The following TIMM23 variants were observed in gnomAD, a reference collection of about 807,000 sequenced individuals.
TIMM23 encodes mitochondrial import inner membrane translocase subunit Tim23.
In TIMM23, 19 loss-of-function variants were observed where a neutral mutation model predicts 30.7. The observed-to-expected ratio is 0.62, with a 90% CI of 0.43 to 0.91. The LOEUF is 0.91. Ranked by LOEUF, TIMM23 falls within the 40% of genes least tolerant of loss-of-function variation. TIMM23 has a pLI of 0.00. For missense variants in TIMM23, 202 were observed against 269.2 expected, an observed-to-expected ratio of 0.75 and a Z score of 1.75; for synonymous variants, 78 against 98.5, an observed-to-expected ratio of 0.79 and a Z score of 1.23.
intron 6 of TIMM23, among the ~76,000 whole-genome samples, chr10:46,000,399 C>T (rs111810618): frequency 1.3e-5 from 2 of 152,168 alleles, no homozygotes; most frequent in South Asian, 4.1e-4. Context: ...CCTGACTTCC[C>T]GCAACAGATG....
At chr10:45,976,589 C>A (rs1837679933) in intron 2 of TIMM23, among the ~76,000 whole-genome samples, 1 of 152,158 alleles carries the variant, frequency 6.6e-6, no homozygotes, top group Admixed American at 6.5e-5. Context: ...CCAGCCTGGG[C>A]AACAGAGTAA....
intron 4 of TIMM23, chr10:45,984,695 T>C: frequency 2.9e-6 from 1 of 342,782 alleles, no homozygotes; most frequent in Non-Finnish European, 5.8e-6. Flanking sequence ...TTCATCCAGT[T>C]GCGTCCATCA....
chr10:45,999,166 G>T (rs1351430010), intron 6 of TIMM23, among the ~76,000 whole-genome samples: 3 of 151,370 alleles, frequency 2.0e-5, no homozygotes, highest in Non-Finnish European at 4.4e-5. Flanking sequence ...TTTGAGACCA[G>T]GTCTGGCTTT....
At chr10:45,984,303 A>G (rs1210316279) in intron 4 of TIMM23, among the ~76,000 whole-genome samples, 7 of 152,166 alleles carry the variant, frequency 4.6e-5, no homozygotes, top group South Asian at 2.1e-4. Flanking sequence ...TTTTGAGACA[A>G]AAACCCCAAT....
rs1346830761 is a variant in TIMM23 at position 45,990,203 on chromosome 10, A to T, written c.514+1356A>T. Among the ~76,000 whole-genome samples, 17 of 148,784 alleles carry T rather than the reference A, an allele frequency of 1.1e-4. 1 individual carries two copies. Among genetic ancestry groups the T allele is most frequent in the African/African-American group, 4.0e-4 (16 of 40,190 alleles). On this transcript the variant is annotated intron_variant, in intron 6 of 6. Coordinates refer to ENST00000580018, the MANE Select transcript of TIMM23 (RefSeq NM_006327.4). ...AGTGGCATGATCTCAGCTCACTGCA[A>T]CCTCCACCTCCTGGGATCAAGCAGT...
Position 45,979,606 on chromosome 10 carries a change from CTTTTTTTTTT to C in TIMM23, c.166-2899_166-2890del, listed in dbSNP as rs1171770886. Among the ~76,000 whole-genome samples the C allele has an allele frequency of 6.2e-4, 34 of 54,412 alleles. No individual in the cohort carries two copies. In the Admixed American group the frequency reaches 9.3e-3, roughly 15 times the overall value. The allele number at this position is 54,412 out of a possible 152,430, so 35.7% of individuals were successfully genotyped here. A position where few individuals can be genotyped will look rare whatever the true frequency, so the allele number is the denominator to read the frequency against. On this transcript the variant is annotated intron_variant, in intron 2 of 6. Coordinates refer to ENST00000580018, the MANE Select transcript of TIMM23 (RefSeq NM_006327.4). ...ACAGGCATGAGCCACCATGCCTGGC[CTTTTTTTTTT>C]TTTTTTTTTTTTTTTTTAAGCATTA... is the stretch of plus-strand genomic sequence containing the variant.
intron 4 of TIMM23, among the ~76,000 whole-genome samples, chr10:45,984,361 T>C (rs1837940007): frequency 6.6e-6 from 1 of 152,136 alleles, no homozygotes. Context: ...AAAAGACAAC[T>C]TGCTTCCTTT....
chr10:45,992,753 T>C (rs1296941403), intron 6 of TIMM23: 2 of 353,906 alleles, frequency 5.7e-6, no homozygotes, highest in Non-Finnish European at 1.1e-5. Context: ...AGTCAGGGTT[T>C]CACCATGTTG....
intron 6 of TIMM23, among the ~76,000 whole-genome samples, chr10:46,000,365 C>T (rs569074644): frequency 1.3e-5 from 2 of 152,320 alleles, no homozygotes; most frequent in East Asian, 3.9e-4. Flanking sequence ...GCCATGGCTT[C>T]AGCCGGTCCC....
rs1370505995 is a variant in TIMM23 at position 45,987,649 on chromosome 10, G to T, written c.404-1088G>T. Among the ~76,000 whole-genome samples, 200 of 123,756 alleles carry T rather than the reference G, an allele frequency of 1.6e-3. 1 individual carries two copies. The highest frequency in any genetic ancestry group is 2.4e-3 in the Non-Finnish European group (148 of 62,728). 81.2% of individuals were successfully genotyped at this position (123,756 alleles called of 152,430 possible). On this transcript the variant is annotated intron_variant, in intron 5 of 6. Transcript: ENST00000580018. ...TTTTTTTTTTTTTTTTTGAGACAGG[G>T]TCTTGCTCTGTCACCCATGCTAGAG...
At chr10:45,975,399 A>G in intron 1 of TIMM23, 55 bp from the exon 2 acceptor site, 4 of 1,597,276 alleles carry the variant, frequency 2.5e-6, no homozygotes, top group Non-Finnish European at 3.4e-6. Flanking sequence ...GATTAACTCT[A>G]ACTGGATTAA....
intron 5 of TIMM23, among the ~76,000 whole-genome samples, chr10:45,987,140 G>A: frequency 6.6e-6 from 1 of 152,032 alleles, no homozygotes; most frequent in Middle Eastern, 3.4e-3. Flanking sequence ...TTTGTTGCCA[G>A]GTGTTTGCTA....
intron 6 of TIMM23, among the ~76,000 whole-genome samples, chr10:45,999,352 C>T (rs1426490091): frequency 1.3e-5 from 2 of 152,030 alleles, no homozygotes; most frequent in African/African-American, 2.4e-5. Context: ...GAACCTGCCC[C>T]GATAGTCGCG....
At chr10:45,997,599 C>G (rs1373177708) in intron 6 of TIMM23, among the ~76,000 whole-genome samples, 1 of 152,072 alleles carries the variant, frequency 6.6e-6, no homozygotes. Context: ...ATTGTTTGAG[C>G]CCAGGAGTTC....
chr10:46,003,642 A>G lies in TIMM23; in HGVS notation c.*324A>G. The G allele has an allele frequency of 4.7e-6, 1 of 213,384 alleles. No individual in the cohort carries two copies. The highest frequency in any genetic ancestry group is 8.8e-5 in the South Asian group (1 of 11,360). 13.2% of individuals were successfully genotyped at this position (213,384 alleles called of 1,614,324 possible). ...TTCAGGTCGTGCTTGTTAGTACTAT[A>G]TCACCAAGTCCATTCATTTAATGAT... On this transcript the variant is annotated 3_prime_UTR_variant, in exon 7 of 7. Coordinates refer to ENST00000580018, the MANE Select transcript of TIMM23 (RefSeq NM_006327.4).
chr10:45,981,864 T>G (rs1837857333), intron 2 of TIMM23, among the ~76,000 whole-genome samples: 3 of 152,208 alleles, frequency 2.0e-5, no homozygotes. Flanking sequence ...AAAGGTGCAT[T>G]GACTCTTCAA....
At chr10:45,985,283 G>C in intron 4 of TIMM23, 100 bp from the exon 5 acceptor site, 1 of 1,361,578 alleles carries the variant, frequency 7.3e-7, no homozygotes, top group South Asian at 1.2e-5. Context: ...AAAACTTTGC[G>C]CCCTGGGTCT....
chr10:45,979,043 T>C (rs1403266632), intron 2 of TIMM23, among the ~76,000 whole-genome samples: 1 of 152,116 alleles, frequency 6.6e-6, no homozygotes, highest in Non-Finnish European at 1.5e-5. Context: ...AGACCACATA[T>C]TGTGTGGTTC....
chr10:46,000,426 C>T (rs1283630562), intron 6 of TIMM23, among the ~76,000 whole-genome samples: 2 of 152,178 alleles, frequency 1.3e-5, no homozygotes, highest in Non-Finnish European at 2.9e-5. Context: ...CACCATGTTG[C>T]CCACGCTGGT....
Sources: allele counts gnomAD v4.1 joint callset (sites outside exome capture counted in the v4.1 genomes callset), GRCh38; gene constraint gnomAD v4.1.1; transcripts MANE v1.5; gene names NCBI Gene and HGNC (gene_info 2026-07-23, HGNC 2026-07-21).